ITPR2: variants seen among roughly 807,000 people sequenced by gnomAD.
ITPR2 encodes the protein inositol 1,4,5-trisphosphate-gated calcium channel ITPR2.
In ITPR2, 207 loss-of-function variants were observed where a neutral mutation model predicts 317.1. The ratio of observed to expected loss-of-function variants is 0.65; its 90% CI spans 0.58 to 0.73. The LOEUF (loss-of-function observed/expected upper bound fraction) is 0.73. ITPR2 is among the 30% of genes least tolerant of loss of function. The pLI, the probability that ITPR2 is intolerant of heterozygous loss-of-function variation, is 0.00. For synonymous variants in ITPR2, 1,156 were observed against 1,149.1 expected, an observed-to-expected ratio of 1.01 and a Z score of -0.12; for missense variants, 2,613 against 3,284.0, an observed-to-expected ratio of 0.80 and a Z score of 4.99.
intron 23 of ITPR2, 76 bp downstream of exon 23, chr12:26,627,957 T>C (rs1946658161): frequency 7.7e-7 from 1 of 1,295,478 alleles, no homozygotes; most frequent in Admixed American, 2.3e-5. Flanking sequence ...TATAATTATG[T>C]TTTAAAATAT....
At position 26,689,606 on chromosome 12, in the gene ITPR2, G is replaced by A. The variant is rs115926270; in HGVS notation, c.997-2974C>T. Among the ~76,000 whole-genome samples, 386 of 152,178 alleles carry A rather than the reference G, an allele frequency of 2.5e-3. 1 individual carries two copies. Among genetic ancestry groups the A allele is most frequent in the African/African-American group, 8.9e-3 (370 of 41,518 alleles). On this transcript the variant is annotated intron_variant, in intron 10 of 56. Transcript: ENST00000381340. ...ATAATAAGATATGGATGGCAAAGAC[G>A]CAGTTTTCCCTGAAGGCTCTGAAAT...
At chr12:26,477,615 A>G (rs1357932143) in intron 43 of ITPR2, among the ~76,000 whole-genome samples, 1 of 152,118 alleles carries the variant, frequency 6.6e-6, no homozygotes, top group Non-Finnish European at 1.5e-5. Context: ...TTGTGAAAGA[A>G]TATCTTCTAT....
At chr12:26,358,730 T>C (rs1160416405) in intron 55 of ITPR2, among the ~76,000 whole-genome samples, 1 of 152,080 alleles carries the variant, frequency 6.6e-6, no homozygotes, top group Non-Finnish European at 1.5e-5. Flanking sequence ...TCTTAACTCC[T>C]TTCCTAGCCC....
chr12:26,766,024 T>C (rs1403802187), intron 2 of ITPR2, among the ~76,000 whole-genome samples: 1 of 152,346 alleles, frequency 6.6e-6, no homozygotes, highest in African/African-American at 2.4e-5. Flanking sequence ...ATATATCGTA[T>C]TGTGTTTGTC....
At chr12:26,364,133 T>A (rs1317447484) in intron 55 of ITPR2, among the ~76,000 whole-genome samples, 6 of 152,116 alleles carry the variant, frequency 3.9e-5, no homozygotes, top group African/African-American at 1.4e-4. Flanking sequence ...ATAAAAAATA[T>A]GGCGGGTCAG....
intron 2 of ITPR2, among the ~76,000 whole-genome samples, chr12:26,737,869 T>G (rs991777591): frequency 2.6e-5 from 4 of 152,350 alleles, no homozygotes; most frequent in Admixed American, 2.6e-4. Context: ...TATTTTGCAG[T>G]ATCGGAAGCA....
At chr12:26,563,371 A>T (rs967809933) in intron 34 of ITPR2, among the ~76,000 whole-genome samples, 2 of 152,186 alleles carry the variant, frequency 1.3e-5, no homozygotes, top group Non-Finnish European at 2.9e-5. Flanking sequence ...GGAGATCGAG[A>T]CCATCCTGGC....
intron 43 of ITPR2, 69 bp from the exon 44 acceptor site, chr12:26,477,076 G>T: frequency 1.0e-6 from 1 of 996,794 alleles, no homozygotes; most frequent in Non-Finnish European, 1.5e-6. Flanking sequence ...CTCTGCATTT[G>T]TTTTAATTGA....
Position 26,475,432 on chromosome 12 carries a change from A to C in ITPR2, c.6220-14T>G, listed in dbSNP as rs1942394928. 6.3e-7 allele frequency: 1 copy of C among 1,599,764 alleles called. No individual in the cohort carries two copies. The highest frequency in any genetic ancestry group is 8.5e-7 in the Non-Finnish European group (1 of 1,176,362). ...CATCACATCCACCTATCCAAAAAAAAAAAGAATATTGAAATGCCAGAAACA... is the reference window on the plus strand; with the variant it reads ...CATCACATCCACCTATCCAAAAAAACAAAGAATATTGAAATGCCAGAAACA... On this transcript the variant is annotated splice_polypyrimidine_tract_variant and intron_variant, in intron 44 of 56. Transcript: ENST00000381340.
intron 54 of ITPR2, among the ~76,000 whole-genome samples, chr12:26,392,071 C>T (rs537953340): frequency 6.6e-6 from 1 of 152,284 alleles, no homozygotes; most frequent in East Asian, 1.9e-4. Flanking sequence ...ATCATCCATT[C>T]TCACGGTTTT....
At chr12:26,504,675 T>C (rs1054139595) in intron 37 of ITPR2, among the ~76,000 whole-genome samples, 2 of 152,182 alleles carry the variant, frequency 1.3e-5, no homozygotes, top group Non-Finnish European at 2.9e-5. Flanking sequence ...ATCACATCAA[T>C]GTATGCTCTC....
At chr12:26,604,675 G>A (rs1345826165) in intron 26 of ITPR2, among the ~76,000 whole-genome samples, 1 of 152,126 alleles carries the variant, frequency 6.6e-6, no homozygotes, top group Non-Finnish European at 1.5e-5. Flanking sequence ...GAGCTATATC[G>A]CCTAGCTATC....
Position 26,622,288 on chromosome 12 carries a change from C to G in ITPR2, c.3240G>C (p.Leu1080Phe). 6.2e-7 allele frequency: 1 copy of G among 1,613,928 alleles called. No individual in the cohort carries two copies. Among genetic ancestry groups the G allele is most frequent in the Non-Finnish European group, 8.5e-7 (1 of 1,179,912 alleles). The change falls in exon 25 of 57, where the codon TTG becomes TTC. Residue 1080 changes from leucine (L) to phenylalanine (F), a missense_variant. By Grantham distance (22) the Leu-to-Phe change is conservative (BLOSUM62 0). Transcript: ENST00000381340. The part of the protein sequence containing the change: ...PPLLSGALQL[L>F]FKHFSQRAEV... ...CTGCCCTCTGGCTGAAGTGCTTAAA[C>G]AACAGCTGCAGGGCTCCAGACAGCA... is the stretch of plus-strand genomic sequence containing the variant.
chr12:26,725,187 A>G (rs1948899726), intron 3 of ITPR2, among the ~76,000 whole-genome samples: 1 of 152,168 alleles, frequency 6.6e-6, no homozygotes, highest in African/African-American at 2.4e-5. Flanking sequence ...GAATTTCCAA[A>G]GTCTCAAAAA....
intron 13 of ITPR2, among the ~76,000 whole-genome samples, chr12:26,672,215 A>G (rs1325810098): frequency 6.6e-6 from 1 of 151,740 alleles, no homozygotes; most frequent in African/African-American, 2.4e-5. Context: ...AGACATCTAC[A>G]GAACTCTCCA....
chr12:26,551,528 C>T (rs1017708794), intron 36 of ITPR2, among the ~76,000 whole-genome samples: 4 of 152,220 alleles, frequency 2.6e-5, no homozygotes, highest in Non-Finnish European at 5.9e-5. Context: ...GGGTCTTGTG[C>T]AGAGTCCCCA....
chr12:26,656,417 C>T lies in ITPR2; in HGVS notation c.2324G>A (p.Arg775Gln), dbSNP rs948954795. 4 of 1,614,168 alleles carry T rather than the reference C, an allele frequency of 2.5e-6. No homozygotes were observed. The highest frequency in any genetic ancestry group is 1.1e-5 in the South Asian group (1 of 91,066). The change falls in exon 19 of 57, where the codon CGA becomes CAA. Residue 775 changes from arginine (R) to glutamine (Q), a missense_variant. Coordinates refer to ENST00000381340, the MANE Select transcript of ITPR2 (RefSeq NM_002223.4). ...GAGCATGAGGCGACAGAAGGACGCTCGGAGGTCGAACGGCAGGCTCTCATC... is the reference window on the plus strand; with the variant it reads ...GAGCATGAGGCGACAGAAGGACGCTTGGAGGTCGAACGGCAGGCTCTCATC... ...VSDESLPFDLRASFCRLMLHM... is the reference protein window; with the variant it reads ...VSDESLPFDLQASFCRLMLHM...
chr12:26,810,063 G>C (rs1348637888), intron 1 of ITPR2, among the ~76,000 whole-genome samples: 1 of 152,218 alleles, frequency 6.6e-6, no homozygotes, highest in Non-Finnish European at 1.5e-5. Flanking sequence ...CCTGCCAGGG[G>C]AAGTAAGACT....
intron 35 of ITPR2, among the ~76,000 whole-genome samples, chr12:26,560,820 A>G: frequency 6.6e-6 from 1 of 152,138 alleles, no homozygotes; most frequent in Non-Finnish European, 1.5e-5. Context: ...ACTCATCTAC[A>G]TGTTACCTCT....
Sources: gnomAD v4.1 joint callset for allele counts (sites outside exome capture counted in the v4.1 genomes callset) on GRCh38, gnomAD v4.1.1 for gene constraint, MANE v1.5 for transcripts, NCBI Gene and HGNC (gene_info 2026-07-23, HGNC 2026-07-21) for gene names.